TRAPPC9: variants seen among roughly 807,000 people sequenced by gnomAD.
TRAPPC9 encodes IKK2 binding protein.
TRAPPC9 carries 83 observed loss-of-function variants against 124.0 expected under a neutral mutation model. The observed-to-expected ratio is 0.67, with a 90% CI of 0.56 to 0.80. The LOEUF is 0.80. Ranked by LOEUF, TRAPPC9 falls within the 30% of genes least tolerant of loss-of-function variation. The pLI is 0.00. For synonymous variants in TRAPPC9, 638 were observed against 617.5 expected, an observed-to-expected ratio of 1.03 and a Z score of -0.49; for missense variants, 1,302 against 1,508.3, an observed-to-expected ratio of 0.86 and a Z score of 2.27.
intron 9 of TRAPPC9, among the ~76,000 whole-genome samples, chr8:140,334,647 C>CGCTA (rs1343084571): frequency 7.6e-6 from 1 of 131,970 alleles, no homozygotes; most frequent in Non-Finnish European, 1.6e-5. Flanking sequence ...GAGACTCTGT[C>CGCTA]ACTAAATAAA....
Position 139,789,070 on chromosome 8 carries a change from ACAT to A in TRAPPC9, c.3056-56871_3056-56869del, listed in dbSNP as rs1233958613. Among the ~76,000 whole-genome samples, 5 of 152,378 alleles carry A rather than the reference ACAT, an allele frequency of 3.3e-5. No homozygotes were observed. The South Asian group carries it at 1.0e-3, about 32-fold the overall frequency. The stretch of plus-strand genomic sequence containing the variant: ...AAAATCAGCATGCACGCTCATCTAA[ACAT>A]CATAAATTATCCAAAATGCACCAGA... On this transcript the variant is annotated intron_variant, in intron 21 of 22. Coordinates refer to ENST00000438773, the MANE Select transcript of TRAPPC9 (RefSeq NM_001160372.4).
At chr8:140,011,813 G>T (rs1839154989) in intron 18 of TRAPPC9, among the ~76,000 whole-genome samples, 1 of 151,696 alleles carries the variant, frequency 6.6e-6, no homozygotes, top group Admixed American at 6.6e-5. Flanking sequence ...GAGTAGCTGG[G>T]ATTACAGGTG....
At chr8:140,159,291 G>A (rs771894670) in intron 17 of TRAPPC9, among the ~76,000 whole-genome samples, 34 of 152,132 alleles carry the variant, frequency 2.2e-4, no homozygotes, top group Non-Finnish European at 4.1e-4. Flanking sequence ...CAGGCTCTAC[G>A]GAATCAGGAA....
intron 21 of TRAPPC9, among the ~76,000 whole-genome samples, chr8:139,778,177 A>G (rs1315619681): frequency 6.6e-6 from 1 of 152,152 alleles, no homozygotes; most frequent in Admixed American, 6.5e-5. Flanking sequence ...ACACACACAC[A>G]CACCCATCAG....
At chr8:140,103,385 CTCA>C (rs1324520059) in intron 17 of TRAPPC9, among the ~76,000 whole-genome samples, 1 of 152,202 alleles carries the variant, frequency 6.6e-6, no homozygotes, top group East Asian at 1.9e-4. Context: ...GGCAGCGCCT[CTCA>C]TCAGGGGCAA....
chr8:139,905,025 T>C (rs1200528509), intron 20 of TRAPPC9: 5 of 152,142 alleles, frequency 3.3e-5, no homozygotes, highest in South Asian at 2.1e-4. Context: ...TTCAGTAAAA[T>C]TGTCCAGTAT....
chr8:140,412,574 G>A (rs551000499), intron 5 of TRAPPC9, among the ~76,000 whole-genome samples: 3 of 152,258 alleles, frequency 2.0e-5, no homozygotes, highest in South Asian at 2.1e-4. Flanking sequence ...AGGTATTCAG[G>A]ACAGGGCCTC....
chr8:139,993,388 A>G (rs1016983482), intron 18 of TRAPPC9, among the ~76,000 whole-genome samples: 4 of 152,226 alleles, frequency 2.6e-5, no homozygotes, highest in Non-Finnish European at 5.9e-5. Flanking sequence ...CCTATTGGTA[A>G]TATTTTTAAA....
At chr8:140,272,261 G>A (rs1040433406) in intron 15 of TRAPPC9, among the ~76,000 whole-genome samples, 2 of 146,852 alleles carry the variant, frequency 1.4e-5, no homozygotes, top group East Asian at 2.3e-4. Context: ...GGTTGGGGTG[G>A]TGTTTGTGGT....
intron 17 of TRAPPC9, among the ~76,000 whole-genome samples, chr8:140,161,613 A>G (rs2061752516): frequency 6.6e-6 from 1 of 152,176 alleles, no homozygotes; most frequent in African/African-American, 2.4e-5. Flanking sequence ...GACCCATCCC[A>G]TGAAGTCAGG....
At chr8:139,854,076 T>G (rs1456325786) in intron 21 of TRAPPC9, among the ~76,000 whole-genome samples, 2 of 152,112 alleles carry the variant, frequency 1.3e-5, no homozygotes, top group East Asian at 3.9e-4. Context: ...CCAGGAAAAT[T>G]AACACATCTG....
chr8:139,786,040 C>T (rs1367077966), intron 21 of TRAPPC9, among the ~76,000 whole-genome samples: 1 of 152,018 alleles, frequency 6.6e-6, no homozygotes, highest in African/African-American at 2.4e-5. Flanking sequence ...AACCCCGTCT[C>T]TATTAAAAAT....
At chr8:139,821,874 C>A (rs1320042406) in intron 21 of TRAPPC9, among the ~76,000 whole-genome samples, 1 of 152,192 alleles carries the variant, frequency 6.6e-6, no homozygotes, top group Non-Finnish European at 1.5e-5. Flanking sequence ...AGCTGGAGTT[C>A]TCCCCATGGA....
intron 9 of TRAPPC9, among the ~76,000 whole-genome samples, chr8:140,348,776 TG>T (rs1200965675): frequency 6.6e-6 from 1 of 152,052 alleles, no homozygotes; most frequent in Non-Finnish European, 1.5e-5. Context: ...GCCAAAAAGC[TG>T]AAGTGTACAT....
intron 19 of TRAPPC9, among the ~76,000 whole-genome samples, chr8:139,985,559 C>A (rs548038206): frequency 6.6e-6 from 1 of 152,134 alleles, no homozygotes; most frequent in Non-Finnish European, 1.5e-5. Flanking sequence ...ACCAGCCCCA[C>A]GCGCATACCC....
At chr8:139,833,062 C>T (rs934210216) in intron 21 of TRAPPC9, among the ~76,000 whole-genome samples, 2 of 152,122 alleles carry the variant, frequency 1.3e-5, no homozygotes, top group Admixed American at 1.3e-4. Flanking sequence ...ATGGGGGTGG[C>T]CTCTGGGAGC....
rs762256611 is a variant in TRAPPC9, at chr8:140,405,592, A to G, written c.993T>C (p.Ile331=). Residue 331 remains isoleucine (I), a synonymous_variant, in exon 6 of 23, where the codon ATT becomes ATC. Transcript: ENST00000438773. ...ATAAAATCACCTTGCTGTAATAGGA[A>G]ATCGCCTCTTTATACTTGTCAATTA... The part of the protein sequence containing the change: ...EDIIDKYKEA[I]SYYSKYKNAG... 3.1e-6 allele frequency: 5 copies of G among 1,614,166 alleles called. No individual in the cohort carries two copies. The highest frequency in any genetic ancestry group is 3.4e-6 in the Non-Finnish European group (4 of 1,180,006).
Position 140,342,476 on chromosome 8 carries a change from A to G in TRAPPC9, c.1495+17574T>C, listed in dbSNP as rs575657656. 3.3e-5 allele frequency among the ~76,000 whole-genome samples: 5 copies of G among 152,344 alleles called. No individual in the cohort carries two copies. The South Asian group carries it at 1.0e-3, about 32-fold the overall frequency. On this transcript the variant is annotated intron_variant, in intron 9 of 22. Transcript: ENST00000438773. Reference sequence around the variant, plus strand: ...ATATTTATCTCTTCAACATACAACTAAAAGTACATCAAAAGCTTCCCTTCA... The same window carrying G: ...ATATTTATCTCTTCAACATACAACTGAAAGTACATCAAAAGCTTCCCTTCA...
At chr8:140,250,578 T>G (rs2131493155) in intron 16 of TRAPPC9, among the ~76,000 whole-genome samples, 1 of 152,270 alleles carries the variant, frequency 6.6e-6, no homozygotes, top group East Asian at 1.9e-4. Context: ...TGTCTCGTGC[T>G]TCCTCAGACT....
Sources: gnomAD v4.1 joint callset for allele counts (sites outside exome capture counted in the v4.1 genomes callset) on GRCh38, gnomAD v4.1.1 for gene constraint, MANE v1.5 for transcripts, NCBI Gene and HGNC (gene_info 2026-07-23, HGNC 2026-07-21) for gene names.